The following IQCM variants were observed in gnomAD, a reference collection of about 807,000 sequenced individuals.
IQCM encodes the protein IQ domain-containing protein M.
IQCM carries 45 observed loss-of-function variants against 57.6 expected under a neutral mutation model. That is an observed-to-expected ratio of 0.78 (90% CI 0.62 to 1.00). The LOEUF (loss-of-function observed/expected upper bound fraction) is 1.00. IQCM is among the 50% of genes least tolerant of loss of function. The probability of loss-of-function intolerance (pLI) is 0.00; values close to 1 mark genes in which losing one functional copy is unlikely to be tolerated. For missense variants in IQCM, 468 were observed against 511.6 expected, an observed-to-expected ratio of 0.91 and a Z score of 0.82; for synonymous variants, 148 against 158.9, an observed-to-expected ratio of 0.93 and a Z score of 0.51.
intron 12 of IQCM, among the ~76,000 whole-genome samples, chr4:149,513,527 T>A (rs1369337091): frequency 2.0e-5 from 3 of 152,194 alleles, no homozygotes; most frequent in African/African-American, 7.2e-5. Context: ...TCCAAAATTA[T>A]TCTAGTGTAT....
intron 12 of IQCM, among the ~76,000 whole-genome samples, chr4:149,498,489 A>T (rs1168480708): frequency 6.6e-6 from 1 of 152,112 alleles, no homozygotes; most frequent in Non-Finnish European, 1.5e-5. Flanking sequence ...CAACCAAGAA[A>T]ACTGCCTTCT....
chr4:149,475,759 G>A (rs1163079304), intron 12 of IQCM, among the ~76,000 whole-genome samples: 1 of 152,088 alleles, frequency 6.6e-6, no homozygotes, highest in Non-Finnish European at 1.5e-5. Flanking sequence ...ATATCAAAGG[G>A]AAGGGAACGA....
intron 13 of IQCM, among the ~76,000 whole-genome samples, chr4:149,376,469 A>G (rs1354592808): frequency 6.6e-6 from 1 of 152,160 alleles, no homozygotes; most frequent in Non-Finnish European, 1.5e-5. Context: ...GCATTCAATT[A>G]GTTTTTTTTA....
At chr4:149,559,618 TA>T (rs1407495911) in intron 10 of IQCM, among the ~76,000 whole-genome samples, 1 of 152,204 alleles carries the variant, frequency 6.6e-6, no homozygotes, top group Non-Finnish European at 1.5e-5. Flanking sequence ...CATTGCTCAC[TA>T]GACTATGTAT....
chr4:149,601,765 T>C (rs949680562), intron 8 of IQCM, among the ~76,000 whole-genome samples: 1 of 152,060 alleles, frequency 6.6e-6, no homozygotes, highest in Non-Finnish European at 1.5e-5. Flanking sequence ...GGATTAGAAA[T>C]ATGTTTTATA....
rs553059466 is a variant in IQCM at position 149,493,961 on chromosome 4, C to T, written c.1228+54494G>A. On this transcript the variant is annotated intron_variant, in intron 12 of 13. Transcript: ENST00000636793. Reference sequence around the variant, plus strand: ...TCTGAAGAGCAGAATTATAATCAGACACAAACCATCTCCTTTGTGGTACAA... The same window carrying T: ...TCTGAAGAGCAGAATTATAATCAGATACAAACCATCTCCTTTGTGGTACAA... 2.0e-5 allele frequency among the ~76,000 whole-genome samples: 3 copies of T among 151,182 alleles called. No homozygotes were observed. In the South Asian group the frequency reaches 6.2e-4, roughly 31 times the overall value.
chr4:149,441,547 A>G (rs554288118), intron 12 of IQCM, among the ~76,000 whole-genome samples: 30 of 152,228 alleles, frequency 2.0e-4, no homozygotes, highest in Admixed American at 6.5e-4. Context: ...GAAAAGTAGC[A>G]TGGGTTAGCA....
At chr4:149,655,182 T>G (rs1759529127) in intron 7 of IQCM, among the ~76,000 whole-genome samples, 1 of 152,186 alleles carries the variant, frequency 6.6e-6, no homozygotes, top group African/African-American at 2.4e-5. Flanking sequence ...TCTGCCACCA[T>G]CAATACTTAT....
At chr4:149,652,104 T>C (rs1393831699) in intron 7 of IQCM, among the ~76,000 whole-genome samples, 1 of 152,096 alleles carries the variant, frequency 6.6e-6, no homozygotes, top group Non-Finnish European at 1.5e-5. Context: ...ATATACACCA[T>C]GGAATACTAC....
intron 8 of IQCM, among the ~76,000 whole-genome samples, chr4:149,603,501 C>G (rs763191189): frequency 9.9e-5 from 15 of 152,126 alleles, no homozygotes; most frequent in Non-Finnish European, 1.8e-4. Flanking sequence ...GTGACCTATT[C>G]TTCATTACTA....
chr4:149,615,778 T>C (rs1365320025), intron 8 of IQCM, among the ~76,000 whole-genome samples: 2 of 152,230 alleles, frequency 1.3e-5, no homozygotes, highest in African/African-American at 4.8e-5. Flanking sequence ...TATTTATCTC[T>C]CTTCCAATGA....
At chr4:149,660,990 A>C (rs1760145008) in intron 7 of IQCM, among the ~76,000 whole-genome samples, 1 of 152,134 alleles carries the variant, frequency 6.6e-6, no homozygotes, top group African/African-American at 2.4e-5. Context: ...AATAATAATA[A>C]AATAAAACAA....
At chr4:149,477,232 T>C (rs572181351) in intron 12 of IQCM, among the ~76,000 whole-genome samples, 18 of 152,302 alleles carry the variant, frequency 1.2e-4, no homozygotes, top group African/African-American at 4.1e-4. Context: ...TGATGTTCAT[T>C]TGGAGCTTAT....
chr4:149,647,344 T>C (rs1293905762), intron 7 of IQCM, among the ~76,000 whole-genome samples: 1 of 151,742 alleles, frequency 6.6e-6, no homozygotes, highest in Non-Finnish European at 1.5e-5. Flanking sequence ...TAAGAACATT[T>C]TTTTTTTATT....
chr4:149,704,614 T>C (rs1039361228), intron 5 of IQCM, among the ~76,000 whole-genome samples: 11 of 151,456 alleles, frequency 7.3e-5, no homozygotes, highest in African/African-American at 2.7e-4. Context: ...GCTGAGCATA[T>C]GAGATGGAAA....
chr4:149,675,477 C>T (rs1761672804), intron 7 of IQCM, among the ~76,000 whole-genome samples: 1 of 151,822 alleles, frequency 6.6e-6, no homozygotes, highest in Non-Finnish European at 1.5e-5. Context: ...TCAGTTAGGC[C>T]AGGAAGGGGA....
At chr4:149,810,270 G>A (rs1307175236) in intron 2 of IQCM, among the ~76,000 whole-genome samples, 1 of 150,722 alleles carries the variant, frequency 6.6e-6, no homozygotes, top group Non-Finnish European at 1.5e-5. Context: ...GCTGAGGCAG[G>A]AGGATTGTTT....
intron 5 of IQCM, 52 bp from the exon 6 acceptor site, chr4:149,686,520 G>A: frequency 1.3e-6 from 1 of 755,674 alleles, no homozygotes. Context: ...CAAGTTGTAA[G>A]TGCATTTTTC....
chr4:149,368,599 G>GT, intron 13 of IQCM, among the ~76,000 whole-genome samples: 1 of 150,888 alleles, frequency 6.6e-6, no homozygotes, highest in Non-Finnish European at 1.5e-5. Context: ...AAGGACATGA[G>GT]AGATGAAAAT....
Sources: allele counts gnomAD v4.1 joint callset (sites outside exome capture counted in the v4.1 genomes callset), GRCh38; gene constraint gnomAD v4.1.1; transcripts MANE v1.5; gene names NCBI Gene and HGNC (gene_info 2026-07-23, HGNC 2026-07-21).